Variants in PLA2G4E observed in about 807,000 individuals in gnomAD.
PLA2G4E encodes the protein phospholipase A2 group IVE.
Under a neutral mutation model 109.1 loss-of-function variants are expected in PLA2G4E, and 84 were observed. The ratio of observed to expected loss-of-function variants is 0.77; its 90% CI spans 0.65 to 0.92. The LOEUF (loss-of-function observed/expected upper bound fraction) is 0.92. PLA2G4E is among the 40% of genes least tolerant of loss of function. The probability of loss-of-function intolerance (pLI) is 0.00; values close to 1 mark genes in which losing one functional copy is unlikely to be tolerated. For synonymous variants in PLA2G4E, 469 were observed against 436.1 expected, an observed-to-expected ratio of 1.08 and a Z score of -0.94; for missense variants, 1,057 against 1,076.6, an observed-to-expected ratio of 0.98 and a Z score of 0.25.
At chr15:42,013,808 CA>C in intron 1 of PLA2G4E, 51 bp from the exon 2 acceptor site, 1 of 1,483,952 alleles carries the variant, frequency 6.7e-7, no homozygotes. Flanking sequence ...ACTCCAAGGC[CA>C]TTGCCCCGGG....
chr15:42,017,555 G>C (rs1216552280), intron 1 of PLA2G4E, among the ~76,000 whole-genome samples: 1 of 152,172 alleles, frequency 6.6e-6, no homozygotes, highest in Non-Finnish European at 1.5e-5. Context: ...TTTGACACAG[G>C]GCTCACAGCT....
intron 1 of PLA2G4E, among the ~76,000 whole-genome samples, chr15:42,028,383 A>ATTTATTT (rs2068710888): frequency 2.8e-5 from 3 of 107,026 alleles, no homozygotes; most frequent in African/African-American, 6.0e-5. Context: ...TTATTTATTT[A>ATTTATTT]CTTATTTATT....
At chr15:41,983,568 T>C in exon 20 of PLA2G4E, 1 of 574,560 alleles carries the variant, frequency 1.7e-6, no homozygotes, top group Non-Finnish European at 3.1e-6. Context: ...ACAGAGCTCC[T>C]CTCTCTCTCT....
chr15:42,037,761 G>A (rs1889244217), intron 1 of PLA2G4E, among the ~76,000 whole-genome samples: 1 of 152,174 alleles, frequency 6.6e-6, no homozygotes. Context: ...TGTGGTTCCC[G>A]GCATCTCCAA....
chr15:42,030,506 G>C (rs186693859), intron 1 of PLA2G4E, among the ~76,000 whole-genome samples: 2 of 152,250 alleles, frequency 1.3e-5, no homozygotes, highest in African/African-American at 4.8e-5. Context: ...TCTGGGCCCC[G>C]AGGGGATGGA....
chr15:42,029,607 G>A (rs1181081653), intron 1 of PLA2G4E, among the ~76,000 whole-genome samples: 1 of 152,204 alleles, frequency 6.6e-6, no homozygotes, highest in African/African-American at 2.4e-5. Flanking sequence ...ATTGTCTCAA[G>A]ACTGAGTATG....
intron 13 of PLA2G4E, among the ~76,000 whole-genome samples, chr15:41,992,324 G>A (rs1224498383): frequency 1.3e-5 from 2 of 152,156 alleles, no homozygotes; most frequent in African/African-American, 4.8e-5. Flanking sequence ...GACCCTCCAA[G>A]GGCCTTGCAG....
chr15:42,004,526 G>C (rs1164821184), intron 5 of PLA2G4E, among the ~76,000 whole-genome samples: 1 of 152,102 alleles, frequency 6.6e-6, no homozygotes, highest in Admixed American at 6.5e-5. Context: ...TTGCGGCCAG[G>C]GTTGGGGTGT....
chr15:42,032,013 G>A (rs564506435), intron 1 of PLA2G4E, among the ~76,000 whole-genome samples: 8 of 152,182 alleles, frequency 5.3e-5, no homozygotes, highest in East Asian at 1.9e-4. Flanking sequence ...GTGAGTTCTC[G>A]CTCTGAGTTC....
chr15:42,036,323 C>A (rs1383319527), intron 1 of PLA2G4E, among the ~76,000 whole-genome samples: 1 of 152,144 alleles, frequency 6.6e-6, no homozygotes, highest in Non-Finnish European at 1.5e-5. Flanking sequence ...GAGAGCAGGG[C>A]CCTGAAGTGG....
At position 42,021,009 on chromosome 15, in the gene PLA2G4E, C is replaced by T. The variant is rs150927968; in HGVS notation, c.184-7252G>A. Among the ~76,000 whole-genome samples the T allele has an allele frequency of 2.6e-5, 4 of 151,868 alleles. No homozygotes were observed. The South Asian group carries it at 6.3e-4, about 24-fold the overall frequency. Reference sequence around the variant, plus strand: ...TCTGGCAGGGAGTGGGAGACCCTGGCGTGCATCTGCCTCAGGAGCATCACG... The same window carrying T: ...TCTGGCAGGGAGTGGGAGACCCTGGTGTGCATCTGCCTCAGGAGCATCACG... On this transcript the variant is annotated intron_variant, in intron 1 of 19. Transcript: ENST00000399518.
intron 1 of PLA2G4E, among the ~76,000 whole-genome samples, chr15:42,034,649 C>T (rs1889176590): frequency 6.6e-6 from 1 of 152,170 alleles, no homozygotes; most frequent in African/African-American, 2.4e-5. Context: ...CCCTCCTCTT[C>T]TACGTCCTCT....
chr15:42,003,409 C>T (rs1355502577), intron 5 of PLA2G4E, among the ~76,000 whole-genome samples: 3 of 152,204 alleles, frequency 2.0e-5, no homozygotes, highest in Admixed American at 6.5e-5. Context: ...CAGGTGCATG[C>T]TGCCATGCCC....
intron 1 of PLA2G4E, among the ~76,000 whole-genome samples, chr15:42,038,133 T>C (rs905030680): frequency 6.6e-6 from 1 of 152,204 alleles, no homozygotes. Flanking sequence ...CATTTTAAAA[T>C]CTGTGAAATA....
intron 5 of PLA2G4E, among the ~76,000 whole-genome samples, chr15:42,003,764 A>C (rs568080724): frequency 6.6e-6 from 1 of 152,352 alleles, no homozygotes; most frequent in African/African-American, 2.4e-5. Context: ...GCTCATCACA[A>C]GCATAGGGGG....
At chr15:42,016,734 G>A (rs7176190) in intron 1 of PLA2G4E, among the ~76,000 whole-genome samples, 3,649 of 152,308 alleles carry the variant, frequency 0.024, 103 homozygotes, top group African/African-American at 0.069. Context: ...CTGAACAGCT[G>A]CCTTAAAACC....
At chr15:41,999,384 T>C (rs746763817) in intron 10 of PLA2G4E, 140 bp downstream of exon 10, 15 of 638,344 alleles carry the variant, frequency 2.3e-5, no homozygotes, top group African/African-American at 3.6e-5. Context: ...CCAAAGAAGA[T>C]GATATGCCAG....
intron 1 of PLA2G4E, among the ~76,000 whole-genome samples, chr15:42,014,095 T>C (rs1801122864): frequency 6.6e-6 from 1 of 152,030 alleles, no homozygotes; most frequent in Non-Finnish European, 1.5e-5. Flanking sequence ...TTTCACCACG[T>C]TGTCCAGGCT....
intron 1 of PLA2G4E, among the ~76,000 whole-genome samples, chr15:42,036,563 T>C (rs1396220108): frequency 3.9e-5 from 6 of 152,050 alleles, no homozygotes; most frequent in Non-Finnish European, 7.4e-5. Flanking sequence ...ACCCTGCATC[T>C]GGGTGACCGC....
Sources: gnomAD v4.1 joint callset for allele counts (sites outside exome capture counted in the v4.1 genomes callset) on GRCh38, gnomAD v4.1.1 for gene constraint, MANE v1.5 for transcripts, NCBI Gene and HGNC (gene_info 2026-07-23, HGNC 2026-07-21) for gene names.